Variants in MED27 observed in about 807,000 individuals in gnomAD.
MED27 encodes the protein mediator of RNA polymerase II transcription subunit 27.
MED27 carries 30 observed loss-of-function variants against 38.2 expected under a neutral mutation model. The ratio of observed to expected loss-of-function variants is 0.79; its 90% confidence interval spans 0.59 to 1.07. The LOEUF (loss-of-function observed/expected upper bound fraction) is 1.07. Among genes scored for constraint, MED27 ranks in the 50% least tolerant of loss-of-function variants. MED27 has a pLI of 0.00. For synonymous variants in MED27, 122 were observed against 153.5 expected (o/e 0.79, Z 1.52); for missense variants, 289 against 397.5 (o/e 0.73, Z 2.32).
At chr9:131,874,328 C>T (rs1317483564) in intron 6 of MED27, among the ~76,000 whole-genome samples, 1 of 152,178 alleles carries the variant, frequency 6.6e-6, no homozygotes, top group East Asian at 1.9e-4. Flanking sequence ...ACTTGCCAGA[C>T]CTATGACCAG....
intron 2 of MED27, among the ~76,000 whole-genome samples, chr9:132,064,413 A>G (rs1160533936): frequency 6.6e-6 from 1 of 152,224 alleles, no homozygotes; most frequent in Admixed American, 6.5e-5. Flanking sequence ...TCACCAATAC[A>G]TATCTCAAAG....
chr9:132,055,418 T>C (rs1425791152), intron 2 of MED27, among the ~76,000 whole-genome samples: 1 of 152,218 alleles, frequency 6.6e-6, no homozygotes, highest in Non-Finnish European at 1.5e-5. Context: ...ACAATGGACC[T>C]AGTCATCTAT....
Position 132,014,401 on chromosome 9 carries a change from G to C in MED27, c.415C>G (p.Gln139Glu). ...NQQSLKRSAN[Q>E]MGVSAKRRPK... is the part of the protein sequence containing the mutation. ...CTACGTTTGGCAGATACTCCCATCTGATTAGCGGAACGCTTCAATGACTGC... is the reference window on the plus strand; with the variant it reads ...CTACGTTTGGCAGATACTCCCATCTCATTAGCGGAACGCTTCAATGACTGC... The change falls in exon 3 of 8, where the codon CAG becomes GAG. Residue 139 changes from glutamine (Q) to glutamate (E), a missense_variant. By Grantham distance (29) the Gln-to-Glu change is conservative. Transcript: ENST00000292035. The C allele has an allele frequency of 6.2e-7, 1 of 1,613,776 alleles. No homozygotes were observed. The highest frequency in any genetic ancestry group is 8.5e-7 in the Non-Finnish European group (1 of 1,179,962).
intron 3 of MED27, among the ~76,000 whole-genome samples, chr9:131,990,858 T>C (rs1025861760): frequency 1.3e-5 from 2 of 152,322 alleles, no homozygotes; most frequent in Admixed American, 6.5e-5. Context: ...TCTCTCCTCA[T>C]AGTCAAGGGC....
chr9:132,041,232 G>C (rs1833203207), intron 2 of MED27, among the ~76,000 whole-genome samples: 1 of 152,262 alleles, frequency 6.6e-6, no homozygotes, highest in African/African-American at 2.4e-5. Context: ...AGAGCAGAGA[G>C]GATGGCAGTG....
chr9:131,906,968 C>T (rs1419284809), intron 4 of MED27, among the ~76,000 whole-genome samples: 1 of 152,174 alleles, frequency 6.6e-6, no homozygotes, highest in East Asian at 1.9e-4. Flanking sequence ...ATTGCCAGGG[C>T]ATTTGTAAAC....
intron 2 of MED27, among the ~76,000 whole-genome samples, chr9:132,063,557 C>T (rs960962505): frequency 6.6e-6 from 1 of 152,194 alleles, no homozygotes; most frequent in African/African-American, 2.4e-5. Flanking sequence ...AATGTTTGAG[C>T]TCATCCAAGC....
intron 6 of MED27, among the ~76,000 whole-genome samples, chr9:131,870,244 G>A (rs545209807): frequency 2.7e-4 from 41 of 152,198 alleles, no homozygotes; most frequent in Admixed American, 5.9e-4. Context: ...GCTGGTCTAC[G>A]CTGCACAGCT....
chr9:131,862,420 T>C lies in MED27; in HGVS notation c.801+643A>G, dbSNP rs1298498261. On this transcript the variant is annotated intron_variant, in intron 7 of 7. Coordinates refer to ENST00000292035, the MANE Select transcript of MED27 (RefSeq NM_004269.4). This position sits in a 1 kb window ranked among gnomAD's most constrained non-coding sequence, Gnocchi z 4.6. ...TACGTCTGTCAAGGACGCGGGGACA[T>C]GGTGTTAGCCCTGCTTAGGCCAACT... Among the ~76,000 whole-genome samples the C allele has an allele frequency of 6.6e-6, 1 of 152,124 alleles. No individual in the cohort carries two copies. The highest frequency in any genetic ancestry group is 1.5e-5 in the Non-Finnish European group (1 of 68,030).
Position 131,883,143 on chromosome 9 carries a change from G to A in MED27, c.723+915C>T, listed in dbSNP as rs1389741169. 1.3e-5 allele frequency among the ~76,000 whole-genome samples: 2 copies of A among 152,210 alleles called. No homozygotes were observed. The highest frequency in any genetic ancestry group is 2.9e-5 in the Non-Finnish European group (2 of 68,046). On this transcript the variant is annotated intron_variant, in intron 6 of 7. Coordinates refer to ENST00000292035, the MANE Select transcript of MED27 (RefSeq NM_004269.4). The surrounding 1 kb of genome is among the most constrained non-coding windows in gnomAD (Gnocchi z 4.2). ...GCTGGTCTTGAACTCCTGACCTCAG[G>A]TGATCTGCCTACCTTGGCCTCCCAA... is the stretch of plus-strand genomic sequence containing the variant.
At chr9:131,995,240 T>G (rs1178584813) in intron 3 of MED27, among the ~76,000 whole-genome samples, 3 of 152,016 alleles carry the variant, frequency 2.0e-5, no homozygotes, top group Non-Finnish European at 4.4e-5. Flanking sequence ...TCACCCACCA[T>G]GGAAAAGGCA....
At chr9:132,012,878 C>T (rs966899991) in intron 3 of MED27, among the ~76,000 whole-genome samples, 1 of 152,138 alleles carries the variant, frequency 6.6e-6, no homozygotes, top group South Asian at 2.1e-4. Flanking sequence ...TAGAAACATG[C>T]CTGACACAGA....
intron 6 of MED27, 86 bp from the exon 7 acceptor site, chr9:131,863,226 G>T: frequency 9.4e-7 from 1 of 1,067,380 alleles, no homozygotes; most frequent in Non-Finnish European, 1.4e-6. Context: ...CCTTCTGTGT[G>T]AAAACAGATC....
At chr9:131,908,269 C>T (rs1423973418) in intron 4 of MED27, among the ~76,000 whole-genome samples, 1 of 144,054 alleles carries the variant, frequency 6.9e-6, no homozygotes, top group Non-Finnish European at 1.5e-5. Context: ...GTCAGCCCCC[C>T]GCCCGGCCAG....
chr9:131,961,794 T>A (rs1015685088), intron 3 of MED27, among the ~76,000 whole-genome samples: 2 of 152,094 alleles, frequency 1.3e-5, no homozygotes, highest in Non-Finnish European at 2.9e-5. Flanking sequence ...CTAAAAAGCC[T>A]TCTTCTGCTC....
Position 131,860,512 on chromosome 9 carries a change from GT to G in MED27, c.*25del. ...CGTGTCTGGGAAGGTGCTGGGTGGGGTCTGAGGCTGGGGCCAGCGTGGGGGC... is the reference window on the plus strand; with the variant it reads ...CGTGTCTGGGAAGGTGCTGGGTGGGGCTGAGGCTGGGGCCAGCGTGGGGGC... On this transcript the variant is annotated 3_prime_UTR_variant, in exon 8 of 8. Transcript: ENST00000292035. This position sits in a 1 kb window ranked among gnomAD's most constrained non-coding sequence, Gnocchi z 5.8. 2 of 1,496,448 alleles carry G rather than the reference GT, an allele frequency of 1.3e-6. No individual in the cohort carries two copies. The highest frequency in any genetic ancestry group is 1.8e-6 in the Non-Finnish European group (2 of 1,123,086). The allele number at this position is 1,496,448 out of a possible 1,614,324, so 92.7% of individuals were successfully genotyped here.
chr9:131,966,383 C>CAAAAAAAAAAAA lies in MED27; in HGVS notation c.480-26921_480-26910dup, dbSNP rs749607968. Among the ~76,000 whole-genome samples the CAAAAAAAAAAAA allele has an allele frequency of 7.5e-3, 275 of 36,722 alleles. 33 individuals are homozygous for CAAAAAAAAAAAA. Among genetic ancestry groups the CAAAAAAAAAAAA allele is most frequent in the African/African-American group, 8.8e-3 (55 of 6,274 alleles). 24.1% of individuals were successfully genotyped at this position (36,722 alleles called of 152,430 possible). On this transcript the variant is annotated intron_variant, in intron 3 of 7. Transcript: ENST00000292035. The stretch of plus-strand genomic sequence containing the variant: ...CAGGCAAAAGAGCCAGACCCTGTCA[C>CAAAAAAAAAAAA]AAAAAAAAAAAAAAAAAGGAAAGGA...
intron 4 of MED27, among the ~76,000 whole-genome samples, chr9:131,904,657 C>T (rs1830020749): frequency 6.6e-6 from 1 of 152,130 alleles, no homozygotes; most frequent in South Asian, 2.1e-4. Flanking sequence ...TTGCACCTGG[C>T]CAACAAGGTT....
chr9:132,022,521 T>C (rs540181956), intron 2 of MED27, among the ~76,000 whole-genome samples: 1 of 152,340 alleles, frequency 6.6e-6, no homozygotes, highest in East Asian at 1.9e-4. Flanking sequence ...AATATTACTT[T>C]GAGCAGTCTG....
Sources: gnomAD v4.1 joint callset for allele counts (sites outside exome capture counted in the v4.1 genomes callset) on GRCh38, gnomAD v4.1.1 for gene constraint, Gnocchi (gnomAD v3.1) non-coding constraint, MANE v1.5 for transcripts, NCBI Gene and HGNC (gene_info 2026-07-23, HGNC 2026-07-21) for gene names.